The following RPAP1 variants were observed in gnomAD, a reference collection of about 807,000 sequenced individuals.
RPAP1 encodes RNA polymerase II associated protein 1.
RPAP1 carries 109 observed loss-of-function variants against 142.4 expected under a neutral mutation model. The ratio of observed to expected loss-of-function variants is 0.77; its 90% CI spans 0.66 to 0.90. RPAP1 has a LOEUF of 0.90. Among genes scored for constraint, RPAP1 ranks in the 40% least tolerant of loss-of-function variants. The pLI is 0.00. For synonymous variants in RPAP1, 704 were observed against 738.9 expected, an observed-to-expected ratio of 0.95 and a Z score of 0.77; for missense variants, 1,546 against 1,751.7, an observed-to-expected ratio of 0.88 and a Z score of 2.10.
At chr15:41,520,109 T>G in intron 22 of RPAP1, 2 of 381,842 alleles carry the variant, frequency 5.2e-6, no homozygotes, top group Non-Finnish European at 9.7e-6. Context: ...AAGTTTTGTA[T>G]TTTTAGTAGA....
At chr15:41,524,964 G>C (rs1454914835) in intron 15 of RPAP1, 27 bp downstream of exon 15, 1 of 1,609,756 alleles carries the variant, frequency 6.2e-7, no homozygotes, top group Admixed American at 1.7e-5. Context: ...GGTGTCTAGG[G>C]GGAGCCTACC....
Position 41,517,845 on chromosome 15 carries a change from C to T in RPAP1, c.3985G>A (p.Ala1329Thr). The change falls in exon 24 of 25, where the codon GCT (alanine) becomes ACT (threonine). Residue 1329 changes from alanine (A) to threonine (T), a missense_variant. Coordinates refer to ENST00000304330, the MANE Select transcript of RPAP1 (RefSeq NM_015540.4). ...TTCTGCAGCATACTCCTGCGGGCAG[C>T]TTTGACCTCATCCTAGAAGCAGAAC... The part of the protein sequence containing the change: ...QDPQSSDEVK[A>T]ARRSMLQKTW... The T allele has an allele frequency of 1.9e-6, 3 of 1,614,166 alleles. No individual in the cohort carries two copies. The highest frequency in any genetic ancestry group is 2.5e-6 in the Non-Finnish European group (3 of 1,180,032).
At chr15:41,536,309 A>T (rs2140786161) in intron 3 of RPAP1, 91 bp from the exon 4 acceptor site, 1 of 1,376,058 alleles carries the variant, frequency 7.3e-7, no homozygotes, top group East Asian at 2.3e-5. Flanking sequence ...GAACGATGAG[A>T]ACCTCACTCT....
At chr15:41,526,246 G>A (rs1595483227) in intron 14 of RPAP1, among the ~76,000 whole-genome samples, 1 of 152,270 alleles carries the variant, frequency 6.6e-6, no homozygotes, top group Middle Eastern at 3.4e-3. Flanking sequence ...ACTGCACCTG[G>A]CCAGTAGTAG....
At chr15:41,526,837 T>C in intron 14 of RPAP1, 61 bp downstream of exon 14, 1 of 1,502,012 alleles carries the variant, frequency 6.7e-7, no homozygotes, top group Non-Finnish European at 9.0e-7. Context: ...GAGCCATGTT[T>C]AGCTCCCAAC....
At chr15:41,523,026 C>A in intron 18 of RPAP1, 66 bp from the exon 19 acceptor site, 1 of 1,381,118 alleles carries the variant, frequency 7.2e-7, no homozygotes, top group Non-Finnish European at 9.6e-7. Context: ...GAAAGAGCTT[C>A]TGGGTCTGTA....
chr15:41,520,664 T>C lies in RPAP1; in HGVS notation c.3522A>G (p.Pro1174=), dbSNP rs1245042354. 2 of 1,614,170 alleles carry C rather than the reference T, an allele frequency of 1.2e-6. No individual in the cohort carries two copies. The highest frequency in any genetic ancestry group is 8.5e-7 in the Non-Finnish European group (1 of 1,180,040). ...GGAGGGCTGCCACCAGATGCTGTAC[T>C]GGGGACTCCCGGAACAGCTCACTGT... The part of the protein sequence containing the change: ...LVDSELFRES[P]VQHLVAALLA... Residue 1174 remains proline (P), a synonymous_variant, in exon 22 of 25, where the codon CCA becomes CCG. Transcript: ENST00000304330.
Position 41,531,132 on chromosome 15 carries a change from C to G in RPAP1, c.834G>C (p.Glu278Asp). 6.2e-7 allele frequency: 1 copy of G among 1,613,990 alleles called. No individual in the cohort carries two copies. The highest frequency in any genetic ancestry group is 1.7e-5 in the Admixed American group (1 of 60,016). The change falls in exon 7 of 25, where the codon GAG (glutamate) becomes GAC (aspartate). Residue 278 changes from glutamate (E) to aspartate (D), a missense_variant. Around this residue, in one of 3 missense-constraint regions of RPAP1, gnomAD observed 1,333 missense variants for 1,486.6 expected, o/e 0.90. Coordinates refer to ENST00000304330, the MANE Select transcript of RPAP1 (RefSeq NM_015540.4). Reference protein sequence around the residue: ...TQEQTGETASEEQRPGGPSAN... With the variant: ...TQEQTGETASDEQRPGGPSAN... ...CAGAGGGTCCTCCTGGCCTCTGCTC[C>G]TCAGAGGCTGTCTCTCCTGTTTGCT...
chr15:41,528,330 C>G lies in RPAP1; in HGVS notation c.1165G>C (p.Gly389Arg). 1 of 1,588,034 alleles carries G rather than the reference C, an allele frequency of 6.3e-7. No homozygotes were observed. The highest frequency in any genetic ancestry group is 8.6e-7 in the Non-Finnish European group (1 of 1,165,956). The part of the protein sequence containing the change: ...HHHGEEAERA[G>R]YSLQELFHLT... Reference sequence around the variant, plus strand: ...TGGAACAGCTCCTGTAGGGAATACCCCGCTCTCTGGGGCAGGGACAAGAAG... The same window carrying G: ...TGGAACAGCTCCTGTAGGGAATACCGCGCTCTCTGGGGCAGGGACAAGAAG... The change falls in exon 10 of 25, where the codon GGG (glycine) becomes CGG (arginine). Residue 389 changes from glycine (G) to arginine (R), a missense_variant. Physicochemically the swap from Gly to Arg is moderately radical, Grantham distance 125. Transcript: ENST00000304330.
At position 41,517,612 on chromosome 15, in the gene RPAP1, G is replaced by A. The variant is rs893938521; in HGVS notation, c.4112C>T (p.Pro1371Leu). The A allele has an allele frequency of 2.5e-6, 4 of 1,610,968 alleles. No individual in the cohort carries two copies. Among genetic ancestry groups the A allele is most frequent in the Non-Finnish European group, 3.4e-6 (4 of 1,178,400 alleles). The change falls in exon 25 of 25, where the codon CCC becomes CTC. Residue 1371 changes from proline to leucine, a missense_variant. Pro to Leu is a moderately conservative substitution (Grantham distance 98, BLOSUM62 -3). This residue lies in a region of RPAP1 where 210 missense variants were observed against 248.0 expected (regional missense o/e 0.85). Transcript: ENST00000304330. The stretch of plus-strand genomic sequence containing the variant: ...CTGGAGGTAGTGCTGACGCAGAGGG[G>A]GCAACTGAGAATAGAGCTCAAAGCC... ...PEGFELYSQLPPLRQHYLQRL... is the reference protein window; with the variant it reads ...PEGFELYSQLLPLRQHYLQRL...
At position 41,522,620 on chromosome 15, in the gene RPAP1, C is replaced by A. The variant is rs541990204; in HGVS notation, c.2742+145G>T. 442 of 683,876 alleles carry A rather than the reference C, an allele frequency of 6.5e-4. 2 individuals carry two copies. Among genetic ancestry groups the A allele is most frequent in the Non-Finnish European group, 8.9e-4 (382 of 427,012 alleles). 42.4% of individuals were successfully genotyped at this position (683,876 alleles called of 1,614,324 possible). A position where few individuals can be genotyped will look rare whatever the true frequency, so the allele number is the denominator to read the frequency against. On this transcript the variant is annotated intron_variant, in intron 19 of 24. Coordinates refer to ENST00000304330, the MANE Select transcript of RPAP1 (RefSeq NM_015540.4). ...GGCCAGGCTGGTCTCGAACTCCCGA[C>A]CTCAGGTGATCTGCCCACCTCGGCC...
intron 6 of RPAP1, among the ~76,000 whole-genome samples, chr15:41,532,978 C>CAA (rs56292925): frequency 7.4e-4 from 49 of 66,626 alleles, no homozygotes; most frequent in Admixed American, 1.2e-3. Flanking sequence ...GACTCCGTCT[C>CAA]AAAAAAAAAA....
At chr15:41,527,643 G>T in intron 11 of RPAP1, 38 bp from the exon 12 acceptor site, 1 of 1,579,306 alleles carries the variant, frequency 6.3e-7, no homozygotes, top group Non-Finnish European at 8.6e-7. Flanking sequence ...AATGCTGAAG[G>T]GGCCAGGAAA....
intron 1 of RPAP1, among the ~76,000 whole-genome samples, chr15:41,540,562 A>G (rs149760035): frequency 1.4e-4 from 21 of 152,256 alleles, no homozygotes; most frequent in African/African-American, 4.8e-4. Context: ...CTGCCTCCCA[A>G]AGTGCTGGGA....
In RPAP1 at chr15:41,517,613, G is replaced by A. The variant is rs1418290690; in HGVS notation, c.4111C>T (p.Pro1371Ser). The change falls in exon 25 of 25, where the codon CCC becomes TCC. Residue 1371 changes from proline (P) to serine (S), a missense_variant. Physicochemically the swap from Pro to Ser is moderately conservative, Grantham distance 74. Transcript: ENST00000304330. The stretch of plus-strand genomic sequence containing the variant: ...TGGAGGTAGTGCTGACGCAGAGGGG[G>A]CAACTGAGAATAGAGCTCAAAGCCC... ...PEGFELYSQLPPLRQHYLQRL... is the reference protein window; with the variant it reads ...PEGFELYSQLSPLRQHYLQRL... The A allele has an allele frequency of 6.2e-7, 1 of 1,611,050 alleles. No homozygotes were observed. Among genetic ancestry groups the A allele is most frequent in the East Asian group, 2.2e-5 (1 of 44,812 alleles).
chr15:41,536,335 C>T lies in RPAP1; in HGVS notation c.331-117G>A. 6.1e-6 allele frequency: 8 copies of T among 1,309,684 alleles called. No individual in the cohort carries two copies. The South Asian group carries it at 1.0e-4, about 17-fold the overall frequency. 81.1% of individuals were successfully genotyped at this position (1,309,684 alleles called of 1,614,324 possible). ...ACCTCACTCTGGGGGGTTACGGACC[C>T]TCCTCCCTTCAGGGCAGTGATTCTA... On this transcript the variant is annotated intron_variant, in intron 3 of 24. Transcript: ENST00000304330.
Position 41,520,760 on chromosome 15 carries a change from C to T in RPAP1, c.3426G>A (p.Trp1142Ter), listed in dbSNP as rs767595643. Residue 1142 changes from tryptophan (W) to a stop codon, truncating the protein, a stop_gained, in exon 22 of 25, where the codon TGG (tryptophan) becomes TGA (stop). Transcript: ENST00000304330. LOFTEE classifies it high-confidence loss of function. The stretch of plus-strand genomic sequence containing the variant: ...GCACAGCCCAGAGAGCCTGGGGGCG[C>T]CAGCTCTCCAAAACTAGCACCCACT... The part of the protein sequence containing the change: ...VLQWVLVLES[W>*]RPQALWAVPP... 6.2e-7 allele frequency: 1 copy of T among 1,613,710 alleles called. No homozygotes were observed. Among genetic ancestry groups the T allele is most frequent in the Admixed American group, 1.7e-5 (1 of 60,024 alleles).
chr15:41,517,797 C>A lies in RPAP1; in HGVS notation c.4032+1G>T, dbSNP rs1021195764. On this transcript the variant is annotated splice_donor_variant, in intron 24 of 24. Coordinates refer to ENST00000304330, the MANE Select transcript of RPAP1 (RefSeq NM_015540.4). LOFTEE classifies it high-confidence loss of function. The stretch of plus-strand genomic sequence containing the variant: ...CACCCTCCTAATGGCCCTGACCCTA[C>A]CTCATCTGCCAGCAGCCATGTTTTC... 3 of 1,614,212 alleles carry A rather than the reference C, an allele frequency of 1.9e-6. No homozygotes were observed. The highest frequency in any genetic ancestry group is 1.3e-5 in the African/African-American group (1 of 75,056).
chr15:41,536,845 AAAT>A, intron 2 of RPAP1, 97 bp downstream of exon 2: 1 of 1,461,948 alleles, frequency 6.8e-7, no homozygotes, highest in Non-Finnish European at 9.3e-7. Context: ...GCAGTGTCTG[AAAT>A]AATAATGATG....
Sources: gnomAD v4.1 joint callset for allele counts (sites outside exome capture counted in the v4.1 genomes callset) on GRCh38, gnomAD v4.1.1 for gene constraint, gnomAD v4.1.1 regional missense constraint, MANE v1.5 for transcripts, NCBI Gene and HGNC (gene_info 2026-07-23, HGNC 2026-07-21) for gene names.